PARVA: variants seen among roughly 807,000 people sequenced by gnomAD.
PARVA encodes parvin alpha.
In PARVA, 25 loss-of-function variants were observed where a neutral mutation model predicts 52.6. The observed-to-expected ratio is 0.48, with a 90% CI of 0.35 to 0.66. The LOEUF is 0.66. Among genes scored for constraint, PARVA ranks in the 30% least tolerant of loss-of-function variants. The pLI, the probability that PARVA is intolerant of heterozygous loss-of-function variation, is 0.01. For missense variants in PARVA, 373 were observed against 450.9 expected (o/e 0.83, Z 1.56); for synonymous variants, 185 against 179.1 (o/e 1.03, Z -0.26).
At chr11:12,490,498 T>TA (rs1209540291) in intron 4 of PARVA, among the ~76,000 whole-genome samples, 2 of 136,976 alleles carry the variant, frequency 1.5e-5, no homozygotes, top group Non-Finnish European at 1.6e-5. Context: ...GCCTGGGTGA[T>TA]AGAGTAAGAC....
intron 1 of PARVA, among the ~76,000 whole-genome samples, chr11:12,428,297 A>T (rs1256301804): frequency 6.6e-6 from 1 of 152,188 alleles, no homozygotes; most frequent in African/African-American, 2.4e-5. Flanking sequence ...TTCCTTTTCC[A>T]TATAGAGTCT....
At chr11:12,480,471 G>A (rs943561539) in intron 4 of PARVA, 1 of 152,144 alleles carries the variant, frequency 6.6e-6, no homozygotes, top group African/African-American at 2.4e-5. Context: ...CATCTAGTCA[G>A]GATCTGAAAC....
At chr11:12,453,700 CAT>C (rs1462531635) in intron 1 of PARVA, among the ~76,000 whole-genome samples, 1 of 152,152 alleles carries the variant, frequency 6.6e-6, no homozygotes, top group Admixed American at 6.5e-5. Flanking sequence ...TTTGAAAATT[CAT>C]ATGTTTGGGT....
rs1555030349 is a variant in PARVA at position 12,395,105 on chromosome 11, A to AAAAAG, written c.136+17325_136+17326insAGAAA. Among the ~76,000 whole-genome samples, 69 of 148,998 alleles carry AAAAAG rather than the reference A, an allele frequency of 4.6e-4. 1 individual carries two copies. The highest frequency in any genetic ancestry group is 1.6e-3 in the African/African-American group (64 of 39,340). ...AAACTCCATCTCAAAAAAAAAAAAAAAAAGAAAGAAGAGGCCCTATGGAAG... is the reference window on the plus strand; with the variant it reads ...AAACTCCATCTCAAAAAAAAAAAAAAAAAAGAAAGAAAGAAGAGGCCCTATGGAAG... On this transcript the variant is annotated intron_variant, in intron 1 of 12. Coordinates refer to ENST00000334956, the MANE Select transcript of PARVA (RefSeq NM_018222.5).
chr11:12,438,511 C>G (rs560458829), intron 1 of PARVA, among the ~76,000 whole-genome samples: 1 of 152,120 alleles, frequency 6.6e-6, no homozygotes, highest in Non-Finnish European at 1.5e-5. Context: ...GAGGGCTGAG[C>G]CTTCATGGCC....
intron 1 of PARVA, among the ~76,000 whole-genome samples, chr11:12,460,492 C>CCAT (rs138442164): frequency 0.033 from 5,001 of 152,190 alleles, 301 homozygotes; most frequent in African/African-American, 0.11. Flanking sequence ...TGTGCCCTCA[C>CCAT]CATCATCATC....
At position 12,528,849 on chromosome 11, in the gene PARVA, G is replaced by A. The variant is rs542928905; in HGVS notation, c.*924G>A. 2.6e-5 allele frequency: 4 copies of A among 152,750 alleles called. No individual in the cohort carries two copies. Among genetic ancestry groups the A allele is most frequent in the Admixed American group, 6.5e-5 (1 of 15,306 alleles). The allele number at this position is 152,750 out of a possible 1,614,324, so 9.5% of individuals were successfully genotyped here. On this transcript the variant is annotated 3_prime_UTR_variant, in exon 13 of 13. Transcript: ENST00000334956. Reference sequence around the variant, plus strand: ...AATAACTCTGTACTTTGGTTTCAGGGTGACATTTGGGAAGGATTTTGTTTA... The same window carrying A: ...AATAACTCTGTACTTTGGTTTCAGGATGACATTTGGGAAGGATTTTGTTTA...
At position 12,525,253 on chromosome 11, in the gene PARVA, C is replaced by T. The variant is rs529136151; in HGVS notation, c.1043-2596C>T. Reference sequence around the variant, plus strand: ...GTATGGCCATACAAGCTGTGAGCTACACAGCTCCAAGAGGCCCTGTTTACC... The same window carrying T: ...GTATGGCCATACAAGCTGTGAGCTATACAGCTCCAAGAGGCCCTGTTTACC... On this transcript the variant is annotated intron_variant, in intron 12 of 12. Transcript: ENST00000334956. Among the ~76,000 whole-genome samples, 54 of 152,292 alleles carry T rather than the reference C, an allele frequency of 3.5e-4. 1 individual carries two copies. In the South Asian group the frequency reaches 0.011, roughly 31 times the overall value.
chr11:12,409,885 C>G (rs1364754134), intron 1 of PARVA, among the ~76,000 whole-genome samples: 1 of 152,214 alleles, frequency 6.6e-6, no homozygotes, highest in African/African-American at 2.4e-5. Flanking sequence ...CCAGTATTAC[C>G]CTTGACCCAT....
chr11:12,426,013 A>G (rs1257057930), intron 1 of PARVA, among the ~76,000 whole-genome samples: 10 of 152,192 alleles, frequency 6.6e-5, no homozygotes, highest in African/African-American at 2.2e-4. Flanking sequence ...TCAACAGATG[A>G]TTGAGTACCT....
In PARVA at chr11:12,527,911, C is replaced by T. The variant is rs200255035; in HGVS notation, c.1105C>T (p.Arg369Cys). 1.2e-5 allele frequency: 20 copies of T among 1,612,186 alleles called. No individual in the cohort carries two copies. Among genetic ancestry groups the T allele is most frequent in the South Asian group, 3.3e-5 (3 of 91,010 alleles). Reference protein sequence around the residue: ...RVLYNLFTKYRNVE With the variant: ...RVLYNLFTKYCNVE ...GTTGTACAACCTCTTCACCAAGTACCGTAACGTGGAGTGAGGGGCTGCCCT... is the reference window on the plus strand; with the variant it reads ...GTTGTACAACCTCTTCACCAAGTACTGTAACGTGGAGTGAGGGGCTGCCCT... The change falls in exon 13 of 13, where the codon CGT (arginine) becomes TGT (cysteine). Residue 369 changes from arginine to cysteine, a missense_variant. Physicochemically the swap from Arg to Cys is radical, Grantham distance 180. Transcript: ENST00000334956.
chr11:12,517,101 C>G (rs556515398), intron 10 of PARVA, among the ~76,000 whole-genome samples: 2 of 152,216 alleles, frequency 1.3e-5, no homozygotes, highest in East Asian at 1.9e-4. Flanking sequence ...CTGTCCCACT[C>G]TAGCCAATCC....
rs540989230 is a variant in PARVA, at chr11:12,410,065, A to G, written c.136+32282A>G. ...TTCCAAATGTGCCTCTAGGTGGCAC[A>G]TAGTAGCCTCTCAAGTACACTGGTG... On this transcript the variant is annotated intron_variant, in intron 1 of 12. Coordinates refer to ENST00000334956, the MANE Select transcript of PARVA (RefSeq NM_018222.5). Among the ~76,000 whole-genome samples the G allele has an allele frequency of 2.6e-5, 4 of 152,290 alleles. No individual in the cohort carries two copies. In the South Asian group the frequency reaches 8.3e-4, roughly 32 times the overall value.
chr11:12,420,858 C>A (rs1213530127), intron 1 of PARVA, among the ~76,000 whole-genome samples: 2 of 152,124 alleles, frequency 1.3e-5, no homozygotes, highest in Non-Finnish European at 2.9e-5. Flanking sequence ...GCATAACTAG[C>A]ATTCAAGTCC....
At chr11:12,399,261 T>TA (rs568232626) in intron 1 of PARVA, among the ~76,000 whole-genome samples, 175 of 152,374 alleles carry the variant, frequency 1.1e-3, no homozygotes, top group African/African-American at 4.1e-3. Context: ...TAAAGCATTA[T>TA]AAAAAATTTT....
intron 4 of PARVA, chr11:12,478,694 C>T (rs1941046870): frequency 6.4e-6 from 1 of 155,920 alleles, no homozygotes; most frequent in African/African-American, 2.4e-5. Flanking sequence ...TCCTCTGCCC[C>T]CATGTATACA....
intron 12 of PARVA, among the ~76,000 whole-genome samples, chr11:12,519,655 G>A (rs747819510): frequency 6.6e-6 from 1 of 152,178 alleles, no homozygotes; most frequent in Admixed American, 6.5e-5. Context: ...AGAAGTGTGT[G>A]CATGCCAGAC....
chr11:12,524,039 C>T (rs567740420), intron 12 of PARVA, among the ~76,000 whole-genome samples: 1 of 152,140 alleles, frequency 6.6e-6, no homozygotes, highest in South Asian at 2.1e-4. Context: ...CTGCTGTCTC[C>T]CCTATTCACC....
chr11:12,461,897 CT>C (rs34415976), intron 1 of PARVA, among the ~76,000 whole-genome samples: 5,022 of 152,250 alleles, frequency 0.033, 303 homozygotes, highest in African/African-American at 0.11. Flanking sequence ...GGTGACTAGA[CT>C]AGCTGTGTCA....
Sources: gnomAD v4.1 joint callset for allele counts (sites outside exome capture counted in the v4.1 genomes callset) on GRCh38, gnomAD v4.1.1 for gene constraint, MANE v1.5 for transcripts, NCBI Gene and HGNC (gene_info 2026-07-23, HGNC 2026-07-21) for gene names.